The following ZNF652 variants were observed in gnomAD, a reference collection of about 807,000 sequenced individuals.
ZNF652 encodes zinc finger protein 652.
Under a neutral mutation model 45.2 loss-of-function variants are expected in ZNF652, and 16 were observed. The ratio of observed to expected loss-of-function variants is 0.35; its 90% CI spans 0.24 to 0.54. The LOEUF (loss-of-function observed/expected upper bound fraction) is 0.54. ZNF652 is among the 20% of genes least tolerant of loss of function. The pLI, the probability that ZNF652 is intolerant of heterozygous loss-of-function variation, is 0.91. For synonymous variants in ZNF652, 250 were observed against 260.6 expected, an observed-to-expected ratio of 0.96 and a Z score of 0.39; for missense variants, 614 against 765.6, an observed-to-expected ratio of 0.80 and a Z score of 2.34.
chr17:49,351,092 T>C (rs1002593956), intron 1 of ZNF652, among the ~76,000 whole-genome samples: 4 of 149,326 alleles, frequency 2.7e-5, no homozygotes, highest in Non-Finnish European at 5.9e-5. Context: ...TTTTAAACTT[T>C]GATGTTTTAA....
In ZNF652 at chr17:49,351,439, TACAG is replaced by T. The variant is rs531395955; in HGVS notation, c.-259+10466_-259+10469del. On this transcript the variant is annotated intron_variant, in intron 1 of 5. Transcript: ENST00000430262. Reference sequence around the variant, plus strand: ...TTATTATAACATAAATAATGGTACATACAGACACAGGCATACTGTATAACCATCT... The same window carrying T: ...TTATTATAACATAAATAATGGTACATACACAGGCATACTGTATAACCATCT... Among the ~76,000 whole-genome samples, 140 of 152,218 alleles carry T rather than the reference TACAG, an allele frequency of 9.2e-4. 1 individual carries two copies. Among genetic ancestry groups the T allele is most frequent in the African/African-American group, 3.0e-3 (125 of 41,546 alleles).
intron 1 of ZNF652, among the ~76,000 whole-genome samples, chr17:49,326,068 A>T (rs2069952734): frequency 6.6e-6 from 1 of 151,966 alleles, no homozygotes; most frequent in Non-Finnish European, 1.5e-5. Context: ...TCTGTACTCA[A>T]AATTAAGTCA....
rs1598275675 is a variant in ZNF652 at position 49,293,685 on chromosome 17, A to C, written c.*4728T>G. ...AAAAAAAAAAAAAAAAAAAAAAAAA[A>C]CTCTTAAGTAATTTCCTATCTTGGT... On this transcript the variant is annotated 3_prime_UTR_variant, in exon 6 of 6. Coordinates refer to ENST00000430262, the MANE Select transcript of ZNF652 (RefSeq NM_001145365.3). 1.6e-5 allele frequency among the ~76,000 whole-genome samples: 2 copies of C among 126,506 alleles called. No homozygotes were observed. The highest frequency in any genetic ancestry group is 8.6e-5 in the Admixed American group (1 of 11,692). The allele number at this position is 126,506 out of a possible 152,430, so 83.0% of individuals were successfully genotyped here. A position where few individuals can be genotyped will look rare whatever the true frequency, so the allele number is the denominator to read the frequency against.
Position 49,317,436 on chromosome 17 carries a change from C to T in ZNF652, c.290G>A (p.Arg97Gln), listed in dbSNP as rs201475194. The T allele has an allele frequency of 3.7e-5, 60 of 1,614,122 alleles. No individual in the cohort carries two copies. The highest frequency in any genetic ancestry group is 2.7e-4 in the African/African-American group (20 of 75,024). Residue 97 changes from arginine to glutamine, a missense_variant, in exon 2 of 6, where the codon CGG becomes CAG. Around this residue, in one of 5 missense-constraint regions of ZNF652, gnomAD observed 133 missense variants for 132.2 expected, o/e 1.01. Transcript: ENST00000430262. ...CTCCTCTGTGTCATCAGAATTCTCC[C>T]GGTCTTCCTTAACAGCATGCACGTC... is the stretch of plus-strand genomic sequence containing the variant. ...VSDVHAVKEDRENSDDTEEEE... is the reference protein window; with the variant it reads ...VSDVHAVKEDQENSDDTEEEE...
chr17:49,337,015 C>T lies in ZNF652; in HGVS notation c.-258-19032G>A, dbSNP rs558373169. 6.5e-5 allele frequency among the ~76,000 whole-genome samples: 9 copies of T among 137,682 alleles called. No homozygotes were observed. In the East Asian group the frequency reaches 1.8e-3, roughly 28 times the overall value. The allele number at this position is 137,682 out of a possible 152,430, so 90.3% of individuals were successfully genotyped here. A position where few individuals can be genotyped will look rare whatever the true frequency, so the allele number is the denominator to read the frequency against. ...GAAATAAAATCTGGTAACAATGCCACAACTGTTACATTTTAACACAACTTG... is the reference window on the plus strand; with the variant it reads ...GAAATAAAATCTGGTAACAATGCCATAACTGTTACATTTTAACACAACTTG... On this transcript the variant is annotated intron_variant, in intron 1 of 5. Coordinates refer to ENST00000430262, the MANE Select transcript of ZNF652 (RefSeq NM_001145365.3).
At chr17:49,347,488 C>T (rs529053146) in intron 1 of ZNF652, among the ~76,000 whole-genome samples, 3 of 152,188 alleles carry the variant, frequency 2.0e-5, no homozygotes, top group Admixed American at 6.5e-5. Flanking sequence ...CCGCTGGAGC[C>T]TGGGAGGTAG....
At chr17:49,349,454 G>A (rs138219241) in intron 1 of ZNF652, among the ~76,000 whole-genome samples, 1 of 152,270 alleles carries the variant, frequency 6.6e-6, no homozygotes, top group African/African-American at 2.4e-5. Flanking sequence ...GGATGCCATG[G>A]TTTGCCATAG....
rs541769159 is a variant in ZNF652, at chr17:49,309,773, T to G, written c.1309+1539A>C. 2.7e-4 allele frequency among the ~76,000 whole-genome samples: 41 copies of G among 152,242 alleles called. No homozygotes were observed. In the East Asian group the frequency reaches 2.7e-3, roughly 10 times the overall value. Reference sequence around the variant, plus strand: ...ATAAAACTGCTCTCATGACTCTTCATCTAGACTAAAAATCCTTAAAATCTG... The same window carrying G: ...ATAAAACTGCTCTCATGACTCTTCAGCTAGACTAAAAATCCTTAAAATCTG... On this transcript the variant is annotated intron_variant, in intron 5 of 5. Coordinates refer to ENST00000430262, the MANE Select transcript of ZNF652 (RefSeq NM_001145365.3).
intron 1 of ZNF652, among the ~76,000 whole-genome samples, chr17:49,319,821 T>A (rs991675637): frequency 5.9e-5 from 9 of 151,982 alleles, no homozygotes; most frequent in African/African-American, 1.7e-4. Flanking sequence ...TTCAAAAAAA[T>A]TTTTAGAGAT....
Position 49,291,395 on chromosome 17 carries a change from T to C in ZNF652, c.*7018A>G, listed in dbSNP as rs2069402701. 1 of 152,272 alleles carries C rather than the reference T, an allele frequency of 6.6e-6. No homozygotes were observed. Among genetic ancestry groups the C allele is most frequent in the African/African-American group, 2.4e-5 (1 of 41,470 alleles). The allele number at this position is 152,272 out of a possible 1,614,324, so 9.4% of individuals were successfully genotyped here. Reference sequence around the variant, plus strand: ...AGAACTAGCCAAGGCAAGTATCAGATTTCCTTCTGAAGTTAAGCAAAATTC... The same window carrying C: ...AGAACTAGCCAAGGCAAGTATCAGACTTCCTTCTGAAGTTAAGCAAAATTC... On this transcript the variant is annotated 3_prime_UTR_variant, in exon 6 of 6. Coordinates refer to ENST00000430262, the MANE Select transcript of ZNF652 (RefSeq NM_001145365.3).
intron 2 of ZNF652, among the ~76,000 whole-genome samples, chr17:49,314,586 C>A (rs2069771934): frequency 6.6e-6 from 1 of 152,198 alleles, no homozygotes; most frequent in Non-Finnish European, 1.5e-5. Flanking sequence ...AAACACACCA[C>A]ACTGCCTAGT....
intron 5 of ZNF652, among the ~76,000 whole-genome samples, chr17:49,307,549 G>A (rs2069648593): frequency 6.7e-6 from 1 of 148,490 alleles, no homozygotes; most frequent in African/African-American, 2.5e-5. Context: ...AGACCAGCCT[G>A]GCCAACACAG....
intron 1 of ZNF652, among the ~76,000 whole-genome samples, chr17:49,347,413 A>G (rs1206843357): frequency 2.6e-5 from 4 of 152,100 alleles, no homozygotes; most frequent in Admixed American, 2.6e-4. Context: ...AAAAATACAA[A>G]AACTAGCTGG....
At chr17:49,330,219 T>C (rs190309044) in intron 1 of ZNF652, among the ~76,000 whole-genome samples, 13 of 152,298 alleles carry the variant, frequency 8.5e-5, no homozygotes, top group African/African-American at 3.1e-4. Context: ...ATATATAACC[T>C]TGGAAGGTCT....
At chr17:49,353,794 G>A (rs1452983592) in intron 1 of ZNF652, among the ~76,000 whole-genome samples, 1 of 152,154 alleles carries the variant, frequency 6.6e-6, no homozygotes, top group East Asian at 1.9e-4. Context: ...TAGTCAAAAA[G>A]TTTGAGAAAT....
chr17:49,330,804 AC>A (rs2070014807), intron 1 of ZNF652, among the ~76,000 whole-genome samples: 1 of 151,812 alleles, frequency 6.6e-6, no homozygotes, highest in South Asian at 2.1e-4. Context: ...TAATCCCAGC[AC>A]TTTGGGAGGC....
intron 1 of ZNF652, among the ~76,000 whole-genome samples, chr17:49,349,406 A>G (rs1462887081): frequency 1.3e-5 from 2 of 149,426 alleles, no homozygotes; most frequent in African/African-American, 5.1e-5. Flanking sequence ...CTCAAAAAAG[A>G]AAAAAAAACA....
chr17:49,336,460 G>C (rs1485716116), intron 1 of ZNF652, among the ~76,000 whole-genome samples: 1 of 150,756 alleles, frequency 6.6e-6, no homozygotes, highest in Non-Finnish European at 1.5e-5. Flanking sequence ...CTCACAAGTA[G>C]CTGAGATTAT....
intron 1 of ZNF652, among the ~76,000 whole-genome samples, chr17:49,321,498 G>C (rs1320156007): frequency 1.5e-5 from 2 of 130,988 alleles, no homozygotes; most frequent in Non-Finnish European, 3.1e-5. Flanking sequence ...CTGGTCTCCT[G>C]ACCACAGGTG....
Sources: allele counts gnomAD v4.1 joint callset (sites outside exome capture counted in the v4.1 genomes callset), GRCh38; gene constraint gnomAD v4.1.1; regional missense constraint gnomAD v4.1.1; transcripts MANE v1.5; gene names NCBI Gene and HGNC (gene_info 2026-07-23, HGNC 2026-07-21).